Variants in ACOT7 observed in about 807,000 individuals in gnomAD.
ACOT7 encodes the protein cytosolic acyl coenzyme A thioester hydrolase.
ACOT7 carries 12 observed loss-of-function variants against 40.2 expected under a neutral mutation model. That is an observed-to-expected ratio of 0.30 (90% CI 0.19 to 0.48). ACOT7 has a LOEUF of 0.48. Among genes scored for constraint, ACOT7 ranks in the 20% least tolerant of loss-of-function variants. The pLI is 0.99. For missense variants in ACOT7, 395 were observed against 530.8 expected (o/e 0.74, Z 2.51); for synonymous variants, 228 against 219.5 (o/e 1.04, Z -0.34).
chr1:6,266,892 G>T (rs1221050470), intron 8 of ACOT7, among the ~76,000 whole-genome samples: 5 of 152,254 alleles, frequency 3.3e-5, no homozygotes, highest in African/African-American at 1.2e-4. Flanking sequence ...GGTTGGTACT[G>T]GGTTCTGCTG....
At chr1:6,305,609 G>A (rs1281068730) in intron 6 of ACOT7, among the ~76,000 whole-genome samples, 4,471 of 151,192 alleles carry the variant, frequency 0.03, 64 homozygotes, top group African/African-American at 0.087. Context: ...GGGCAGAGGC[G>A]CTCCCCACAT....
At chr1:6,286,396 A>G (rs1639504127) in intron 7 of ACOT7, among the ~76,000 whole-genome samples, 1 of 152,164 alleles carries the variant, frequency 6.6e-6, no homozygotes, top group Non-Finnish European at 1.5e-5. Flanking sequence ...GCCCTGATGA[A>G]GCCAGATATT....
In ACOT7 at chr1:6,306,644, C is replaced by G. The variant is rs772960363; in HGVS notation, c.713-11664G>C. ...CTGCAGCCTGTGCCACTCAGCTTCA[C>G]GAGGAAGAAAGCGGCGTCCCAAAGC... On this transcript the variant is annotated intron_variant, in intron 6 of 8. Transcript: ENST00000361521. The surrounding 1 kb of genome is among the most constrained non-coding windows in gnomAD (Gnocchi z 4.3). The G allele has an allele frequency of 1.0e-6, 1 of 985,374 alleles. No individual in the cohort carries two copies. The highest frequency in any genetic ancestry group is 1.2e-6 in the Non-Finnish European group (1 of 829,906). 61.0% of individuals were successfully genotyped at this position (985,374 alleles called of 1,614,324 possible).
At chr1:6,267,476 C>CCTGCCTGCCTGT (rs1638886387) in intron 8 of ACOT7, among the ~76,000 whole-genome samples, 1 of 152,214 alleles carries the variant, frequency 6.6e-6, no homozygotes. Context: ...TGCCTGCCTG[C>CCTGCCTGCCTGT]CTGCCTGCCT....
At chr1:6,371,425 C>T (rs1390464258) in intron 1 of ACOT7, among the ~76,000 whole-genome samples, 1 of 150,580 alleles carries the variant, frequency 6.6e-6, no homozygotes, top group Non-Finnish European at 1.5e-5. Context: ...GTGGCAGGTG[C>T]AATCTTGGCT....
intron 1 of ACOT7, among the ~76,000 whole-genome samples, chr1:6,388,761 G>A (rs1344176882): frequency 5.0e-5 from 7 of 141,084 alleles, no homozygotes; most frequent in Non-Finnish European, 7.7e-5. Flanking sequence ...AAAAAAGGCC[G>A]GGTGCGGTGG....
intron 8 of ACOT7, among the ~76,000 whole-genome samples, chr1:6,270,134 C>T (rs994266036): frequency 2.0e-5 from 3 of 152,214 alleles, no homozygotes; most frequent in African/African-American, 7.2e-5. Flanking sequence ...ACCCAAGTGA[C>T]AAAGGGGCCA....
Position 6,306,980 on chromosome 1 carries a change from T to G in ACOT7, c.712+11512A>C. The G allele has an allele frequency of 8.2e-7, 1 of 1,215,502 alleles. No individual in the cohort carries two copies. The highest frequency in any genetic ancestry group is 1.1e-6 in the Non-Finnish European group (1 of 923,822). The allele number at this position is 1,215,502 out of a possible 1,614,324, so 75.3% of individuals were successfully genotyped here. On this transcript the variant is annotated intron_variant, in intron 6 of 8. Coordinates refer to ENST00000361521, the MANE Select transcript of ACOT7 (RefSeq NM_007274.4). The surrounding 1 kb of genome is among the most constrained non-coding windows in gnomAD (Gnocchi z 4.3). ...GCCTCACTTGCGTCCCCTCCCATGT[T>G]TTCTCTGCCTTCCCTTTCCTCTGCC...
chr1:6,302,326 C>T (rs1639995916), intron 6 of ACOT7, among the ~76,000 whole-genome samples: 1 of 152,098 alleles, frequency 6.6e-6, no homozygotes, highest in African/African-American at 2.4e-5. Context: ...GGATCCTGGG[C>T]CAACTCAAGG....
rs72858376 is a variant in ACOT7, at chr1:6,352,245, T to C, written c.144-2379A>G. On this transcript the variant is annotated intron_variant, in intron 1 of 8. Transcript: ENST00000361521. The surrounding 1 kb of genome is among the most constrained non-coding windows in gnomAD (Gnocchi z 4.5). The stretch of plus-strand genomic sequence containing the variant: ...CTTACCCCTTCTCCCTTTCCCCAAA[T>C]CAGACACCTTCCCTCCAAGCCAGGG... 11,942 of 152,598 alleles carry C rather than the reference T, an allele frequency of 0.078. 1,102 individuals carry two copies. The highest frequency in any genetic ancestry group is 0.23 in the African/African-American group (9,355 of 41,450). 9.5% of individuals were successfully genotyped at this position (152,598 alleles called of 1,614,324 possible).
intron 4 of ACOT7, among the ~76,000 whole-genome samples, chr1:6,332,503 C>T (rs1169749106): frequency 6.6e-6 from 1 of 152,242 alleles, no homozygotes; most frequent in Non-Finnish European, 1.5e-5. Flanking sequence ...CCTCTGACAA[C>T]ATAATGAACT....
intron 1 of ACOT7, among the ~76,000 whole-genome samples, chr1:6,365,447 TA>T (rs1020584675): frequency 2.0e-5 from 3 of 151,920 alleles, no homozygotes; most frequent in South Asian, 2.1e-4. Flanking sequence ...CATTATGCCT[TA>T]AAAAAAAGTA....
intron 7 of ACOT7, chr1:6,283,018 C>G: frequency 2.4e-6 from 1 of 423,540 alleles, no homozygotes; most frequent in Non-Finnish European, 4.9e-6. Flanking sequence ...AAAGCAGGAA[C>G]AAGCCCTTTC....
At position 6,282,194 on chromosome 1, in the gene ACOT7, TC is replaced by T. The variant is rs1639377066; in HGVS notation, c.830-909del. On this transcript the variant is annotated intron_variant, in intron 7 of 8. Coordinates refer to ENST00000361521, the MANE Select transcript of ACOT7 (RefSeq NM_007274.4). This position sits in a 1 kb window ranked among gnomAD's most constrained non-coding sequence, Gnocchi z 4.5. ...ACCCTCCCCGGCCTGGGCTCCATCCTCCTACCTGGCCTCAACATAATCCCTT... is the reference window on the plus strand; with the variant it reads ...ACCCTCCCCGGCCTGGGCTCCATCCTCTACCTGGCCTCAACATAATCCCTT... 6.6e-6 allele frequency among the ~76,000 whole-genome samples: 1 copy of T among 152,012 alleles called. No individual in the cohort carries two copies. The highest frequency in any genetic ancestry group is 2.4e-5 in the African/African-American group (1 of 41,410).
At chr1:6,345,184 G>A (rs1641385963) in intron 2 of ACOT7, among the ~76,000 whole-genome samples, 1 of 152,232 alleles carries the variant, frequency 6.6e-6, no homozygotes, top group African/African-American at 2.4e-5. Context: ...GCCCCACCCT[G>A]CCCTGGGACA....
At chr1:6,379,609 A>T (rs1042991618) in intron 1 of ACOT7, among the ~76,000 whole-genome samples, 5 of 151,658 alleles carry the variant, frequency 3.3e-5, no homozygotes, top group Non-Finnish European at 7.4e-5. Context: ...TACTACAGGC[A>T]TGCACCACCA....
At chr1:6,300,207 A>G (rs1639928465) in intron 6 of ACOT7, among the ~76,000 whole-genome samples, 1 of 152,140 alleles carries the variant, frequency 6.6e-6, no homozygotes, top group Non-Finnish European at 1.5e-5. Flanking sequence ...AGCCAGGGAC[A>G]AGCAGGAGTT....
chr1:6,348,540 C>T (rs1456284112), intron 2 of ACOT7, among the ~76,000 whole-genome samples: 1 of 152,108 alleles, frequency 6.6e-6, no homozygotes, highest in Non-Finnish European at 1.5e-5. Flanking sequence ...GGGACAGAGC[C>T]CTCACAAATG....
intron 3 of ACOT7, among the ~76,000 whole-genome samples, chr1:6,337,212 G>A (rs548174491): frequency 2.6e-5 from 4 of 152,336 alleles, no homozygotes; most frequent in Non-Finnish European, 5.9e-5. Context: ...GGAGAAGGCC[G>A]AGGGCTGTGG....
Sources: allele counts gnomAD v4.1 joint callset (sites outside exome capture counted in the v4.1 genomes callset), GRCh38; gene constraint gnomAD v4.1.1; non-coding constraint Gnocchi (gnomAD v3.1); transcripts MANE v1.5; gene names NCBI Gene and HGNC (gene_info 2026-07-23, HGNC 2026-07-21).